Variants in NRG3 observed in about 807,000 individuals in gnomAD.
The protein encoded by NRG3 is pro-neuregulin-3, membrane-bound isoform.
In NRG3, 31 loss-of-function variants were observed where a neutral mutation model predicts 66.9. That is an observed-to-expected ratio of 0.46 (90% CI 0.35 to 0.63). The LOEUF (loss-of-function observed/expected upper bound fraction) is 0.63, where lower values mean the gene tolerates loss of function less well. NRG3 is among the 20% of genes least tolerant of loss of function. The pLI is 0.00. For synonymous variants in NRG3, 393 were observed against 359.4 expected (o/e 1.09, Z -1.06); for missense variants, 910 against 878.9 (o/e 1.04, Z -0.45).
intron 1 of NRG3, among the ~76,000 whole-genome samples, chr10:82,179,576 G>C (rs1251583370): frequency 2.0e-5 from 3 of 151,846 alleles, no homozygotes; most frequent in African/African-American, 7.2e-5. Context: ...GTTTATTTCT[G>C]GGCTGTGTTC....
At chr10:82,793,567 A>G (rs1031835661) in intron 3 of NRG3, among the ~76,000 whole-genome samples, 1 of 152,184 alleles carries the variant, frequency 6.6e-6, no homozygotes, top group African/African-American at 2.4e-5. Flanking sequence ...TCTCAGATCC[A>G]GGTGTCATTC....
chr10:81,961,930 C>T (rs1850400967), intron 1 of NRG3, among the ~76,000 whole-genome samples: 1 of 152,210 alleles, frequency 6.6e-6, no homozygotes, highest in African/African-American at 2.4e-5. Flanking sequence ...AGAAAGGCAG[C>T]ATGCTTTGGT....
intron 2 of NRG3, among the ~76,000 whole-genome samples, chr10:82,590,931 A>G (rs1012656235): frequency 3.3e-5 from 5 of 152,218 alleles, no homozygotes; most frequent in African/African-American, 9.6e-5. Flanking sequence ...ATTCAGGGCT[A>G]CAGACCAAGA....
chr10:81,909,641 T>G (rs1248681755), intron 1 of NRG3, among the ~76,000 whole-genome samples: 1 of 152,158 alleles, frequency 6.6e-6, no homozygotes, highest in Non-Finnish European at 1.5e-5. Context: ...GGCCTATTGA[T>G]GATGTCTTAA....
intron 1 of NRG3, among the ~76,000 whole-genome samples, chr10:81,961,778 G>C (rs1850387390): frequency 6.6e-6 from 1 of 152,362 alleles, no homozygotes; most frequent in Non-Finnish European, 1.5e-5. Context: ...AATGTTAACT[G>C]ATAACTTTTG....
At chr10:82,357,236 A>C (rs531847971) in intron 1 of NRG3, among the ~76,000 whole-genome samples, 24 of 152,336 alleles carry the variant, frequency 1.6e-4, no homozygotes, top group Non-Finnish European at 2.1e-4. Flanking sequence ...ACAGATAAAC[A>C]TATAGATGGC....
chr10:82,547,546 T>C lies in NRG3; in HGVS notation c.953+188678T>C, dbSNP rs146105820. 7.1e-4 allele frequency among the ~76,000 whole-genome samples: 108 copies of C among 151,604 alleles called. 1 individual carries two copies. The East Asian group carries it at 0.02, about 27-fold the overall frequency. ...GTGTGTATATGTATAGACACACATA[T>C]ACATGCATATATGTATATACACTGA... is the stretch of plus-strand genomic sequence containing the variant. On this transcript the variant is annotated intron_variant, in intron 2 of 8. Coordinates refer to ENST00000372141, the MANE Select transcript of NRG3 (RefSeq NM_001010848.4).
intron 3 of NRG3, among the ~76,000 whole-genome samples, chr10:82,808,973 A>G (rs991107886): frequency 6.6e-6 from 1 of 152,194 alleles, no homozygotes; most frequent in Non-Finnish European, 1.5e-5. Flanking sequence ...GAATAATGGC[A>G]GATCAATGGG....
intron 1 of NRG3, among the ~76,000 whole-genome samples, chr10:82,095,449 G>T (rs2066278172): frequency 2.6e-5 from 4 of 152,178 alleles, no homozygotes; most frequent in Admixed American, 2.6e-4. Context: ...AAATCAAGAA[G>T]GCTGGGGAGG....
chr10:82,569,548 T>C (rs561700743), intron 2 of NRG3, among the ~76,000 whole-genome samples: 1 of 151,870 alleles, frequency 6.6e-6, no homozygotes, highest in South Asian at 2.1e-4. Context: ...AAGTCTACAG[T>C]GGATTGATTC....
rs114373887 is a variant in NRG3 at position 82,787,042 on chromosome 10, C to A, written c.1027+48392C>A. ...TCTTTATTACCCAGTCTCAAATTTTCTGTTATTATCAGCACAAAACAGACT... is the reference window on the plus strand; with the variant it reads ...TCTTTATTACCCAGTCTCAAATTTTATGTTATTATCAGCACAAAACAGACT... On this transcript the variant is annotated intron_variant, in intron 3 of 8. Transcript: ENST00000372141. Among the ~76,000 whole-genome samples the A allele has an allele frequency of 4.8e-3, 728 of 152,306 alleles. 2 individuals carry two copies. The highest frequency in any genetic ancestry group is 0.017 in the African/African-American group (703 of 41,558).
intron 2 of NRG3, among the ~76,000 whole-genome samples, chr10:82,370,921 C>T (rs11193999): frequency 1.3e-5 from 2 of 151,670 alleles, no homozygotes; most frequent in Admixed American, 1.3e-4. Context: ...AATATTTCTA[C>T]TAAAGGCAGC....
At chr10:82,448,381 T>C (rs1289147899) in intron 2 of NRG3, among the ~76,000 whole-genome samples, 1 of 152,234 alleles carries the variant, frequency 6.6e-6, no homozygotes, top group Non-Finnish European at 1.5e-5. Flanking sequence ...TTTAAAAATA[T>C]GTATTTTAAA....
intron 1 of NRG3, among the ~76,000 whole-genome samples, chr10:82,310,862 G>T (rs928320817): frequency 6.6e-6 from 1 of 152,146 alleles, no homozygotes; most frequent in South Asian, 2.1e-4. Flanking sequence ...GATGTCATAT[G>T]TAGGTAAAAG....
At chr10:82,712,610 T>C (rs1179653547) in intron 2 of NRG3, among the ~76,000 whole-genome samples, 1 of 152,066 alleles carries the variant, frequency 6.6e-6, no homozygotes, top group Non-Finnish European at 1.5e-5. Context: ...TGTGGTGAAG[T>C]GGGCAGAGAG....
chr10:82,660,317 T>C (rs2052254992), intron 2 of NRG3, among the ~76,000 whole-genome samples: 1 of 151,628 alleles, frequency 6.6e-6, no homozygotes, highest in Non-Finnish European at 1.5e-5. Context: ...ATTTTTTCAT[T>C]ATCAGTGTTT....
At chr10:81,909,095 T>C (rs189618315) in intron 1 of NRG3, among the ~76,000 whole-genome samples, 57 of 152,290 alleles carry the variant, frequency 3.7e-4, no homozygotes, top group Non-Finnish European at 5.6e-4. Flanking sequence ...AGGGAATAAT[T>C]CTTTCTTGCT....
intron 1 of NRG3, among the ~76,000 whole-genome samples, chr10:81,921,389 C>G: frequency 6.6e-6 from 1 of 152,012 alleles, no homozygotes; most frequent in East Asian, 1.9e-4. Flanking sequence ...GTAACTCCAT[C>G]TCTGAAAGAA....
At chr10:82,562,405 G>T (rs2045111012) in intron 2 of NRG3, among the ~76,000 whole-genome samples, 1 of 152,070 alleles carries the variant, frequency 6.6e-6, no homozygotes, top group Admixed American at 6.6e-5. Flanking sequence ...TTTGTTGAAA[G>T]GTCTTTCTCT....
Sources: gnomAD v4.1 joint callset for allele counts (sites outside exome capture counted in the v4.1 genomes callset) on GRCh38, gnomAD v4.1.1 for gene constraint, MANE v1.5 for transcripts, NCBI Gene and HGNC (gene_info 2026-07-23, HGNC 2026-07-21) for gene names.